Variants in IRAG1 observed in about 807,000 individuals in gnomAD.
IRAG1 encodes inositol 1,4,5-triphosphate receptor associated 1, also known as IP3R-associated cGMP kinase substrate.
Under a neutral mutation model 106.2 loss-of-function variants are expected in IRAG1, and 62 were observed. The ratio of observed to expected loss-of-function variants is 0.58; its 90% confidence interval spans 0.48 to 0.72. The LOEUF (loss-of-function observed/expected upper bound fraction) is 0.72, where lower values mean the gene tolerates loss of function less well. IRAG1 is among the 30% of genes least tolerant of loss of function. The pLI, the probability that IRAG1 is intolerant of heterozygous loss-of-function variation, is 0.00. For synonymous variants in IRAG1, 462 were observed against 443.9 expected, an observed-to-expected ratio of 1.04 and a Z score of -0.51; for missense variants, 1,064 against 1,140.7, an observed-to-expected ratio of 0.93 and a Z score of 0.97.
chr11:10,673,921 G>C (rs1443610781), intron 1 of IRAG1, among the ~76,000 whole-genome samples: 1 of 152,050 alleles, frequency 6.6e-6, no homozygotes, highest in African/African-American at 2.4e-5. Flanking sequence ...GAAGGAGGAG[G>C]CAACAATAAG....
At position 10,591,611 on chromosome 11, in the gene IRAG1, G is replaced by C. The variant is rs763983449; in HGVS notation, c.2177C>G (p.Ser726Trp). The C allele has an allele frequency of 3.1e-6, 5 of 1,590,844 alleles. No homozygotes were observed. Among genetic ancestry groups the C allele is most frequent in the South Asian group, 1.1e-5 (1 of 87,058 alleles). ...SSSIPSLPAL[S>W]ESPNGKGSLP... is the part of the protein sequence containing the mutation. ...GCTGCCTTTCCCATTGGGTGATTCC[G>C]ACTGAGTGAAAAACAGAAGACAGAG... Residue 726 changes from serine to tryptophan, a missense_variant and splice_region_variant, in exon 18 of 21, where the codon TCG (serine) becomes TGG (tryptophan). By Grantham distance (177) the Ser-to-Trp change is radical (BLOSUM62 -3). Coordinates refer to ENST00000423302, the MANE Select transcript of IRAG1 (RefSeq NM_130385.4).
chr11:10,596,982 T>A (rs1853387698), intron 15 of IRAG1, among the ~76,000 whole-genome samples: 1 of 152,220 alleles, frequency 6.6e-6, no homozygotes, highest in Non-Finnish European at 1.5e-5. Context: ...CTTCTACTAT[T>A]CTGGAGCAAT....
rs781663642 is a variant in IRAG1 at position 10,652,132 on chromosome 11, C to G, written c.118G>C (p.Val40Leu). ...WSIFGADAAE[V>L]PGTRGHSQQE... ...TGGGAGTGGCCACGTGTGCCCGGAACCTCCGCTGCGTCAGCCCCAAAGATG... is the reference window on the plus strand; with the variant it reads ...TGGGAGTGGCCACGTGTGCCCGGAAGCTCCGCTGCGTCAGCCCCAAAGATG... The change falls in exon 2 of 21, where the codon GTT becomes CTT. Residue 40 changes from valine to leucine, a missense_variant. By Grantham distance (32) the Val-to-Leu change is conservative. Transcript: ENST00000423302. The G allele has an allele frequency of 6.2e-7, 1 of 1,612,790 alleles. No individual in the cohort carries two copies. The highest frequency in any genetic ancestry group is 8.5e-7 in the Non-Finnish European group (1 of 1,179,534).
At chr11:10,616,236 T>A (rs1314011710) in intron 10 of IRAG1, among the ~76,000 whole-genome samples, 1 of 145,132 alleles carries the variant, frequency 6.9e-6, no homozygotes, top group Non-Finnish European at 1.5e-5. Context: ...GAGCTTGCAG[T>A]GAGCTGAGAT....
At chr11:10,592,481 G>T (rs1038184686) in intron 17 of IRAG1, among the ~76,000 whole-genome samples, 2 of 152,182 alleles carry the variant, frequency 1.3e-5, no homozygotes, top group Admixed American at 1.3e-4. Flanking sequence ...TGAAATGCTT[G>T]AGGCAGGAAG....
chr11:10,641,645 C>T (rs1196663606), intron 2 of IRAG1, among the ~76,000 whole-genome samples: 3 of 152,212 alleles, frequency 2.0e-5, no homozygotes, highest in South Asian at 2.1e-4. Flanking sequence ...CTCACCGAAT[C>T]CTCCCAGAAA....
intron 18 of IRAG1, among the ~76,000 whole-genome samples, chr11:10,583,264 G>A (rs539302702): frequency 6.6e-6 from 1 of 152,254 alleles, no homozygotes; most frequent in East Asian, 1.9e-4. Flanking sequence ...AAAGACAAGA[G>A]GAGGACCCAG....
At chr11:10,609,008 A>G (rs1272139704) in intron 11 of IRAG1, among the ~76,000 whole-genome samples, 4 of 152,184 alleles carry the variant, frequency 2.6e-5, no homozygotes, top group African/African-American at 9.7e-5. Context: ...TGTGTGAGGT[A>G]GGGGTCCAAC....
chr11:10,691,362 G>C (rs1161205309), intron 1 of IRAG1, among the ~76,000 whole-genome samples: 2 of 152,204 alleles, frequency 1.3e-5, no homozygotes, highest in Admixed American at 6.5e-5. Flanking sequence ...AGGAGGTGTG[G>C]GGTGCTTCTG....
intron 2 of IRAG1, among the ~76,000 whole-genome samples, chr11:10,640,286 G>T (rs889011305): frequency 2.6e-5 from 4 of 152,226 alleles, no homozygotes; most frequent in Admixed American, 1.3e-4. Context: ...TGGGTGGCAA[G>T]TGCCAAGCAG....
intron 1 of IRAG1, among the ~76,000 whole-genome samples, chr11:10,693,297 G>A (rs995739110): frequency 2.6e-5 from 4 of 152,160 alleles, no homozygotes; most frequent in Admixed American, 6.5e-5. Flanking sequence ...ACTTTCCAAC[G>A]GCAAGCAAAA....
chr11:10,653,493 T>C (rs2134925131), intron 1 of IRAG1, among the ~76,000 whole-genome samples: 1 of 152,278 alleles, frequency 6.6e-6, no homozygotes, highest in East Asian at 1.9e-4. Context: ...CTAGCTCCTC[T>C]GCTTCCTCTT....
At chr11:10,654,180 A>G (rs1423065130) in intron 1 of IRAG1, among the ~76,000 whole-genome samples, 1 of 152,168 alleles carries the variant, frequency 6.6e-6, no homozygotes, top group Non-Finnish European at 1.5e-5. Context: ...GAAAGCCCCT[A>G]GAGTCAGGGC....
At chr11:10,684,573 A>G (rs1355116281) in intron 1 of IRAG1, among the ~76,000 whole-genome samples, 1 of 149,966 alleles carries the variant, frequency 6.7e-6, no homozygotes, top group African/African-American at 2.4e-5. Flanking sequence ...TAACCTGCAT[A>G]TTGTACACAT....
rs544085246 is a variant in IRAG1 at position 10,673,699 on chromosome 11, TA to T, written c.67+19836del. On this transcript the variant is annotated intron_variant, in intron 1 of 20. Coordinates refer to ENST00000423302, the MANE Select transcript of IRAG1 (RefSeq NM_130385.4). ...GTTTAAAATTTTTTCTAACTTCCAT[TA>T]AAAAAAAAAGAGAAGGAAGCTAGCT... Among the ~76,000 whole-genome samples the T allele has an allele frequency of 1.3e-4, 19 of 147,344 alleles. 1 individual carries two copies. Among genetic ancestry groups the T allele is most frequent in the African/African-American group, 2.2e-4 (9 of 40,362 alleles).
intron 15 of IRAG1, among the ~76,000 whole-genome samples, chr11:10,596,865 G>A (rs1853373430): frequency 6.6e-6 from 1 of 152,192 alleles, no homozygotes. Flanking sequence ...ATTAGTGGCT[G>A]ATAACAAGGA....
chr11:10,646,748 C>A (rs549402919), intron 2 of IRAG1, among the ~76,000 whole-genome samples: 1 of 152,294 alleles, frequency 6.6e-6, no homozygotes, highest in East Asian at 1.9e-4. Flanking sequence ...AGAGCATCAA[C>A]GAATGAAACA....
Position 10,652,213 on chromosome 11 carries a change from C to T in IRAG1, c.68-31G>A, listed in dbSNP as rs749643513. 7 of 1,610,406 alleles carry T rather than the reference C, an allele frequency of 4.3e-6. No individual in the cohort carries two copies. The Admixed American group carries it at 6.7e-5, about 15-fold the overall frequency. ...GAGATGCCAAAAGGACAAGTCAAAT[C>T]CATTCCCATCCCTGTCCCAAGCTGG... On this transcript the variant is annotated intron_variant, in intron 1 of 20. Coordinates refer to ENST00000423302, the MANE Select transcript of IRAG1 (RefSeq NM_130385.4).
At chr11:10,581,307 G>A (rs1851365991) in intron 19 of IRAG1, among the ~76,000 whole-genome samples, 1 of 152,178 alleles carries the variant, frequency 6.6e-6, no homozygotes, top group Admixed American at 6.5e-5. Flanking sequence ...GACGCATAGG[G>A]CACCATACAT....
Sources: allele counts gnomAD v4.1 joint callset (sites outside exome capture counted in the v4.1 genomes callset), GRCh38; gene constraint gnomAD v4.1.1; transcripts MANE v1.5; gene names NCBI Gene and HGNC (gene_info 2026-07-23, HGNC 2026-07-21).